The following SUGCT variants were observed in gnomAD, a reference collection of about 807,000 sequenced individuals.
SUGCT encodes succinyl-CoA:glutarate CoA-transferase.
Under a neutral mutation model 55.0 loss-of-function variants are expected in SUGCT, and 41 were observed. The observed-to-expected ratio is 0.74, with a 90% CI of 0.58 to 0.97. The LOEUF (loss-of-function observed/expected upper bound fraction) is 0.97, where lower values mean the gene tolerates loss of function less well. SUGCT is among the 50% of genes least tolerant of loss of function. The probability of loss-of-function intolerance (pLI) is 0.00; values close to 1 mark genes in which losing one functional copy is unlikely to be tolerated. For missense variants in SUGCT, 568 were observed against 547.8 expected, an observed-to-expected ratio of 1.04 and a Z score of -0.37; for synonymous variants, 187 against 200.4, an observed-to-expected ratio of 0.93 and a Z score of 0.56.
At position 40,741,675 on chromosome 7, in the gene SUGCT, A is replaced by C. The variant is rs2128705057; in HGVS notation, c.1090-7759A>C. 1.3e-5 allele frequency among the ~76,000 whole-genome samples: 2 copies of C among 152,352 alleles called. 1 individual carries two copies. Among genetic ancestry groups the C allele is most frequent in the South Asian group, 4.1e-4 (2 of 4,828 alleles). ...GCAGCATTGTTTGCCATGGTAAAAT[A>C]ACTGGAAGCTACCTAAAAGCAGAGT... On this transcript the variant is annotated intron_variant, in intron 12 of 13. Coordinates refer to ENST00000335693, the MANE Select transcript of SUGCT (RefSeq NM_001193313.2).
At chr7:40,435,005 A>G (rs1263425133) in intron 9 of SUGCT, among the ~76,000 whole-genome samples, 1 of 152,114 alleles carries the variant, frequency 6.6e-6, no homozygotes, top group East Asian at 1.9e-4. Flanking sequence ...CACACTTCCC[A>G]TAGTTCGCCA....
At chr7:40,260,586 A>G (rs749061789) in intron 7 of SUGCT, among the ~76,000 whole-genome samples, 13 of 152,190 alleles carry the variant, frequency 8.5e-5, no homozygotes. Context: ...TTTGGAAAAA[A>G]TATGGTACAA....
chr7:40,693,917 C>G (rs1336058743), intron 12 of SUGCT, among the ~76,000 whole-genome samples: 11 of 152,166 alleles, frequency 7.2e-5, no homozygotes, highest in Admixed American at 4.6e-4. Context: ...CACTGTCCCG[C>G]CCTCAGAAAA....
At chr7:40,286,216 G>A (rs1793327975) in intron 8 of SUGCT, among the ~76,000 whole-genome samples, 1 of 152,090 alleles carries the variant, frequency 6.6e-6, no homozygotes, top group Non-Finnish European at 1.5e-5. Flanking sequence ...CAAGTAATTA[G>A]TAATAAATGT....
intron 7 of SUGCT, among the ~76,000 whole-genome samples, chr7:40,264,045 T>C (rs1214747219): frequency 2.0e-5 from 3 of 152,174 alleles, no homozygotes; most frequent in Non-Finnish European, 4.4e-5. Flanking sequence ...CTTGCTGGGA[T>C]TGTTCACCAC....
chr7:40,659,806 A>T (rs754195091), intron 12 of SUGCT, among the ~76,000 whole-genome samples: 4 of 152,128 alleles, frequency 2.6e-5, no homozygotes, highest in Non-Finnish European at 5.9e-5. Flanking sequence ...GGACACCATC[A>T]CTTTCTCCTC....
At chr7:40,983,398 GT>G in the SUGCT span, among the ~76,000 whole-genome samples, 3 of 152,132 alleles carry the variant, frequency 2.0e-5, no homozygotes, top group African/African-American at 7.2e-5. Context: ...TTAAGAAGCT[GT>G]TTTTATTGTT....
intron 9 of SUGCT, among the ~76,000 whole-genome samples, chr7:40,447,402 C>T (rs1245600282): frequency 6.6e-6 from 1 of 151,910 alleles, no homozygotes; most frequent in Non-Finnish European, 1.5e-5. Flanking sequence ...TTGGACAGAG[C>T]CTGAAGATAA....
At chr7:40,317,948 G>A (rs879780602) in intron 9 of SUGCT, among the ~76,000 whole-genome samples, 32 of 152,022 alleles carry the variant, frequency 2.1e-4, no homozygotes, top group Admixed American at 4.6e-4. Context: ...CAGTTGTGGA[G>A]GTGTTTTCTC....
intron 12 of SUGCT, among the ~76,000 whole-genome samples, chr7:40,728,711 A>G (rs910352021): frequency 1.4e-4 from 21 of 152,048 alleles, no homozygotes; most frequent in Admixed American, 1.3e-3. Context: ...GAAAAAATAT[A>G]TTTTTTACCT....
chr7:40,907,229 C>A, the SUGCT span, among the ~76,000 whole-genome samples: 6 of 151,732 alleles, frequency 4.0e-5, no homozygotes, highest in Non-Finnish European at 8.8e-5. Flanking sequence ...TAAACTCTTT[C>A]TTAGCTCAGA....
At chr7:40,261,683 A>T (rs1047122176) in intron 7 of SUGCT, among the ~76,000 whole-genome samples, 3 of 152,242 alleles carry the variant, frequency 2.0e-5, no homozygotes, top group African/African-American at 7.2e-5. Context: ...GCAGGGAGTT[A>T]GACCAAATGT....
intron 12 of SUGCT, among the ~76,000 whole-genome samples, chr7:40,502,504 A>G (rs1583845997): frequency 6.6e-6 from 1 of 152,040 alleles, no homozygotes; most frequent in East Asian, 1.9e-4. Context: ...AATTAATTCA[A>G]TATTAAATTA....
At chr7:40,236,864 C>T (rs1263815518) in intron 6 of SUGCT, among the ~76,000 whole-genome samples, 2 of 151,844 alleles carry the variant, frequency 1.3e-5, no homozygotes, top group Admixed American at 6.6e-5. Flanking sequence ...AAGGGAGTCT[C>T]CCTGCATTGT....
the SUGCT span, among the ~76,000 whole-genome samples, chr7:41,018,478 C>T: frequency 2.6e-5 from 4 of 152,214 alleles, no homozygotes; most frequent in African/African-American, 4.8e-5. Flanking sequence ...TTTTGAACTT[C>T]ACCTGCAGAA....
the SUGCT span, among the ~76,000 whole-genome samples, chr7:40,978,097 C>T: frequency 1.3e-5 from 2 of 152,204 alleles, no homozygotes; most frequent in Admixed American, 1.3e-4. Context: ...CAGCTCTTGG[C>T]AGTCTAACCA....
At chr7:40,857,122 T>G (rs1794215337) in intron 13 of SUGCT, among the ~76,000 whole-genome samples, 2 of 152,166 alleles carry the variant, frequency 1.3e-5, no homozygotes, top group African/African-American at 4.8e-5. Flanking sequence ...AGATGTTAGT[T>G]TGCCAAAAAA....
At chr7:40,264,652 G>A (rs1791442801) in intron 7 of SUGCT, among the ~76,000 whole-genome samples, 2 of 152,136 alleles carry the variant, frequency 1.3e-5, no homozygotes, top group Admixed American at 1.3e-4. Context: ...TGAGAATAGT[G>A]GTTTTAACAA....
At chr7:40,360,427 A>C (rs1178406002) in intron 9 of SUGCT, among the ~76,000 whole-genome samples, 1 of 152,220 alleles carries the variant, frequency 6.6e-6, no homozygotes, top group Admixed American at 6.5e-5. Flanking sequence ...TCATTGATTT[A>C]TTAATTCATG....
Sources: allele counts gnomAD v4.1 joint callset (sites outside exome capture counted in the v4.1 genomes callset), GRCh38; gene constraint gnomAD v4.1.1; transcripts MANE v1.5; gene names NCBI Gene and HGNC (gene_info 2026-07-23, HGNC 2026-07-21).